The following ELOVL2 variants were observed in gnomAD, a reference collection of about 807,000 sequenced individuals.
ELOVL2 encodes very long chain fatty acid elongase 2.
In ELOVL2, 38 loss-of-function variants were observed where a neutral mutation model predicts 37.7. The ratio of observed to expected loss-of-function variants is 1.01; its 90% CI spans 0.78 to 1.32. ELOVL2 has a LOEUF of 1.32. ELOVL2 is among the 40% of genes most tolerant of loss of function. The probability of loss-of-function intolerance (pLI) is 0.00; values close to 1 mark genes in which losing one functional copy is unlikely to be tolerated. For missense variants in ELOVL2, 352 were observed against 363.6 expected, an observed-to-expected ratio of 0.97 and a Z score of 0.26; for synonymous variants, 115 against 122.3, an observed-to-expected ratio of 0.94 and a Z score of 0.40.
intron 2 of ELOVL2, among the ~76,000 whole-genome samples, chr6:11,010,154 G>A (rs973188957): frequency 4.6e-5 from 7 of 151,556 alleles, no homozygotes; most frequent in African/African-American, 1.7e-4. Context: ...CTCCTGAGTA[G>A]CTAGGATTAC....
intron 1 of ELOVL2, among the ~76,000 whole-genome samples, chr6:11,036,250 T>C (rs899421185): frequency 2.6e-5 from 4 of 152,230 alleles, no homozygotes; most frequent in African/African-American, 9.6e-5. Context: ...TTAGTAGCAG[T>C]GGCAGGACTT....
chr6:10,991,856 C>T (rs889868442), intron 5 of ELOVL2, among the ~76,000 whole-genome samples: 22 of 152,172 alleles, frequency 1.4e-4, no homozygotes, highest in Admixed American at 1.4e-3. Flanking sequence ...GGAAATACAG[C>T]ACCTTCCACA....
intron 5 of ELOVL2, among the ~76,000 whole-genome samples, chr6:10,993,737 G>T (rs931152256): frequency 5.9e-5 from 9 of 151,988 alleles, no homozygotes; most frequent in African/African-American, 2.2e-4. Flanking sequence ...TCCCAGGCTG[G>T]AGTGCAGTGG....
chr6:11,029,248 A>AG, intron 1 of ELOVL2, among the ~76,000 whole-genome samples: 1 of 141,794 alleles, frequency 7.1e-6, no homozygotes, highest in South Asian at 2.3e-4. Context: ...AAAAAAAAAA[A>AG]GGTAGGCTGG....
chr6:10,998,474 C>T (rs1288875411), intron 4 of ELOVL2, among the ~76,000 whole-genome samples: 2 of 152,080 alleles, frequency 1.3e-5, no homozygotes, highest in African/African-American at 4.8e-5. Flanking sequence ...GGTGCTCTAA[C>T]AACCTTCAAA....
At position 11,030,253 on chromosome 6, in the gene ELOVL2, C is replaced by T. The variant is rs534786630; in HGVS notation, c.3+13975G>A. Among the ~76,000 whole-genome samples, 20 of 152,170 alleles carry T rather than the reference C, an allele frequency of 1.3e-4. No homozygotes were observed. In the South Asian group the frequency reaches 4.1e-3, roughly 32 times the overall value. On this transcript the variant is annotated intron_variant, in intron 1 of 7. Coordinates refer to ENST00000354666, the MANE Select transcript of ELOVL2 (RefSeq NM_017770.4). ...CCTTTTAGATGCCAATTCAGTCAGC[C>T]AAGAAGGAAGGATTAGGGTCTAAGA...
chr6:10,989,699 G>T lies in ELOVL2; in HGVS notation c.765+4C>A. ...TTACTGCTGAATATTTACATTCCAC[G>T]TACCTGAACGTAAAAATTTAAGAAG... On this transcript the variant is annotated splice_donor_region_variant and intron_variant, in intron 7 of 7. Transcript: ENST00000354666. 1 of 1,612,606 alleles carries T rather than the reference G, an allele frequency of 6.2e-7. No homozygotes were observed. Among genetic ancestry groups the T allele is most frequent in the Non-Finnish European group, 8.5e-7 (1 of 1,178,952 alleles).
At chr6:11,008,530 G>A (rs970197595) in intron 2 of ELOVL2, among the ~76,000 whole-genome samples, 5 of 151,658 alleles carry the variant, frequency 3.3e-5, no homozygotes, top group Non-Finnish European at 5.9e-5. Context: ...AGGGGGCTCC[G>A]GGTCCTGCAT....
chr6:11,003,341 TC>T (rs761512874), intron 3 of ELOVL2, among the ~76,000 whole-genome samples: 1 of 152,142 alleles, frequency 6.6e-6, no homozygotes, highest in Non-Finnish European at 1.5e-5. Context: ...CGTGTGATGT[TC>T]CCCTCCCTGT....
intron 5 of ELOVL2, 46 bp from the exon 6 acceptor site, chr6:10,990,488 G>T (rs78128406): frequency 1.3e-6 from 2 of 1,518,140 alleles, no homozygotes; most frequent in South Asian, 1.4e-5. Flanking sequence ...AGGAAGGACT[G>T]TTCATTCTTC....
chr6:11,011,369 A>C (rs1164785376), intron 1 of ELOVL2, among the ~76,000 whole-genome samples: 3 of 151,934 alleles, frequency 2.0e-5, no homozygotes, highest in Admixed American at 2.0e-4. Flanking sequence ...CTGTCTCAAA[A>C]AAAAAAAAGA....
At chr6:11,012,490 C>T (rs1247002105) in intron 1 of ELOVL2, among the ~76,000 whole-genome samples, 1 of 152,222 alleles carries the variant, frequency 6.6e-6, no homozygotes, top group Admixed American at 6.5e-5. Flanking sequence ...ACCATCATAA[C>T]AAATGCCAAT....
chr6:11,029,023 T>A (rs1337795249), intron 1 of ELOVL2, among the ~76,000 whole-genome samples: 2 of 128,858 alleles, frequency 1.6e-5, no homozygotes, highest in Non-Finnish European at 3.1e-5. Flanking sequence ...AGAGGTAGCA[T>A]GAGCCTGGGC....
At chr6:10,995,306 C>CT in intron 4 of ELOVL2, 128 bp from the exon 5 acceptor site, 1 of 691,112 alleles carries the variant, frequency 1.4e-6, no homozygotes, top group South Asian at 2.1e-5. Context: ...GAAAAGGCAG[C>CT]TCACCTGGTG....
rs531001523 is a variant in ELOVL2, at chr6:11,013,560, A to G, written c.4-2751T>C. ...ACATTTTTGAACAGCATTCGTGTAC[A>G]TAACACTTTGTCATACATATGAAGG... is the stretch of plus-strand genomic sequence containing the variant. On this transcript the variant is annotated intron_variant, in intron 1 of 7. Coordinates refer to ENST00000354666, the MANE Select transcript of ELOVL2 (RefSeq NM_017770.4). 6.4e-4 allele frequency among the ~76,000 whole-genome samples: 98 copies of G among 152,360 alleles called. 1 individual carries two copies. Among genetic ancestry groups the G allele is most frequent in the Admixed American group, 2.0e-4 (3 of 15,302 alleles).
At chr6:11,016,430 T>A (rs1782686758) in intron 1 of ELOVL2, among the ~76,000 whole-genome samples, 1 of 152,164 alleles carries the variant, frequency 6.6e-6, no homozygotes, top group African/African-American at 2.4e-5. Context: ...CCAAAAAGAC[T>A]TTGTCTTTTC....
At chr6:10,997,594 A>G (rs964697486) in intron 4 of ELOVL2, among the ~76,000 whole-genome samples, 2 of 152,172 alleles carry the variant, frequency 1.3e-5, no homozygotes, top group Non-Finnish European at 2.9e-5. Context: ...CTTTATGAAG[A>G]ATTTCTAATA....
intron 1 of ELOVL2, among the ~76,000 whole-genome samples, chr6:11,038,374 G>A (rs1783047634): frequency 2.0e-5 from 3 of 152,016 alleles, no homozygotes; most frequent in South Asian, 2.1e-4. Context: ...CCAGCTACTC[G>A]GGAGGCTGAG....
chr6:11,006,174 A>T (rs762271234), intron 2 of ELOVL2, among the ~76,000 whole-genome samples: 2 of 152,342 alleles, frequency 1.3e-5, no homozygotes, highest in South Asian at 4.1e-4. Flanking sequence ...CAATAGGATG[A>T]CCGTGCAGCA....
Sources: allele counts gnomAD v4.1 joint callset (sites outside exome capture counted in the v4.1 genomes callset), GRCh38; gene constraint gnomAD v4.1.1; transcripts MANE v1.5; gene names NCBI Gene and HGNC (gene_info 2026-07-23, HGNC 2026-07-21).